VWA8: variants seen among roughly 807,000 people sequenced by gnomAD.
VWA8 encodes the protein von Willebrand factor A domain-containing protein 8.
Under a neutral mutation model 241.5 loss-of-function variants are expected in VWA8, and 221 were observed. The observed-to-expected ratio is 0.91, with a 90% confidence interval of 0.82 to 1.02. The LOEUF (loss-of-function observed/expected upper bound fraction) is 1.02, where lower values mean the gene tolerates loss of function less well. Ranked by LOEUF, VWA8 falls within the 50% of genes least tolerant of loss-of-function variation. The pLI is 0.00. For missense variants in VWA8, 2,322 were observed against 2,328.7 expected (o/e 1.00, Z 0.06); for synonymous variants, 852 against 827.1 (o/e 1.03, Z -0.52).
intron 37 of VWA8, among the ~76,000 whole-genome samples, chr13:41,626,519 T>C (rs982557549): frequency 6.6e-6 from 1 of 152,082 alleles, no homozygotes; most frequent in African/African-American, 2.4e-5. Flanking sequence ...CTCCAAACTA[T>C]AGTACAAGGT....
chr13:41,900,626 C>T (rs1337666144), intron 4 of VWA8, among the ~76,000 whole-genome samples: 2 of 152,026 alleles, frequency 1.3e-5, no homozygotes, highest in African/African-American at 4.8e-5. Context: ...TCCTCATTTA[C>T]AAAATTAGAA....
At chr13:41,572,360 AG>A (rs568148505) in intron 43 of VWA8, among the ~76,000 whole-genome samples, 1 of 152,240 alleles carries the variant, frequency 6.6e-6, no homozygotes, top group Non-Finnish European at 1.5e-5. Flanking sequence ...CGAATAGAAA[AG>A]GGGGAAATGT....
intron 12 of VWA8, among the ~76,000 whole-genome samples, chr13:41,852,206 C>T (rs1872555311): frequency 6.6e-6 from 1 of 152,062 alleles, no homozygotes; most frequent in Non-Finnish European, 1.5e-5. Context: ...TTATATGTAC[C>T]TGTTGGCCAT....
At chr13:41,604,899 G>A (rs1001004071) in intron 40 of VWA8, among the ~76,000 whole-genome samples, 1 of 152,110 alleles carries the variant, frequency 6.6e-6, no homozygotes, top group Non-Finnish European at 1.5e-5. Flanking sequence ...TTGTTCCTCA[G>A]CATTGAGAGC....
intron 14 of VWA8, among the ~76,000 whole-genome samples, chr13:41,827,844 C>T (rs1360713052): frequency 1.3e-5 from 2 of 152,292 alleles, no homozygotes; most frequent in East Asian, 3.9e-4. Flanking sequence ...AACTTGGGTA[C>T]TTTTCATAGA....
intron 16 of VWA8, among the ~76,000 whole-genome samples, chr13:41,811,661 T>G (rs1306346148): frequency 1.3e-5 from 2 of 152,150 alleles, no homozygotes; most frequent in African/African-American, 4.8e-5. Flanking sequence ...GCTGTATGAT[T>G]GACTGTTCAC....
intron 37 of VWA8, among the ~76,000 whole-genome samples, chr13:41,656,765 C>T (rs900867624): frequency 9.2e-5 from 14 of 152,100 alleles, no homozygotes; most frequent in Non-Finnish European, 2.9e-5. Flanking sequence ...TCTGAAGTCC[C>T]GGACTCCAAG....
chr13:41,617,987 A>G (rs1165050467), intron 37 of VWA8, among the ~76,000 whole-genome samples: 1 of 152,208 alleles, frequency 6.6e-6, no homozygotes, highest in East Asian at 1.9e-4. Flanking sequence ...CTTTGGGTAT[A>G]TACCCAGTAA....
intron 21 of VWA8, among the ~76,000 whole-genome samples, chr13:41,743,856 G>A (rs1307508446): frequency 6.6e-6 from 1 of 152,150 alleles, no homozygotes; most frequent in Non-Finnish European, 1.5e-5. Flanking sequence ...GGACATAAGA[G>A]GAACTCAATA....
At position 41,916,455 on chromosome 13, in the gene VWA8, A is replaced by G. The variant is rs139807439; in HGVS notation, c.242-4287T>C. On this transcript the variant is annotated intron_variant, in intron 2 of 44. Transcript: ENST00000379310. The stretch of plus-strand genomic sequence containing the variant: ...ATTTAGCAGACTTGCTGTTCCAGCC[A>G]TTAGTTCTACTTCTTTTTGGTGGTA... Among the ~76,000 whole-genome samples the G allele has an allele frequency of 3.7e-4, 56 of 152,364 alleles. 1 individual carries two copies. The East Asian group carries it at 8.3e-3, about 23-fold the overall frequency.
At chr13:41,777,270 G>A (rs996575543) in intron 20 of VWA8, among the ~76,000 whole-genome samples, 3 of 152,176 alleles carry the variant, frequency 2.0e-5, no homozygotes, top group Admixed American at 6.5e-5. Context: ...GAGATAAAAG[G>A]GAGTAGAAGC....
intron 35 of VWA8, among the ~76,000 whole-genome samples, chr13:41,677,981 T>A (rs1420272167): frequency 6.6e-6 from 1 of 152,218 alleles, no homozygotes; most frequent in Non-Finnish European, 1.5e-5. Flanking sequence ...TATCTCCTAT[T>A]TATTTAACAA....
chr13:41,799,819 T>C (rs1024700777), intron 17 of VWA8, among the ~76,000 whole-genome samples: 2 of 152,216 alleles, frequency 1.3e-5, no homozygotes, highest in Non-Finnish European at 2.9e-5. Flanking sequence ...ATTTAAAGTA[T>C]ACAATTCAAT....
At chr13:41,682,035 T>C (rs1351227745) in intron 35 of VWA8, among the ~76,000 whole-genome samples, 1 of 152,222 alleles carries the variant, frequency 6.6e-6, no homozygotes, top group African/African-American at 2.4e-5. Context: ...TTTTAAAATA[T>C]TACTTTCTGA....
At chr13:41,685,848 G>A (rs577011970) in intron 34 of VWA8, among the ~76,000 whole-genome samples, 201 of 152,090 alleles carry the variant, frequency 1.3e-3, no homozygotes, top group African/African-American at 4.6e-3. Flanking sequence ...TAACTCTTCT[G>A]GAATTTTGTG....
At chr13:41,864,152 A>AG (rs1361920519) in intron 12 of VWA8, among the ~76,000 whole-genome samples, 11 of 151,496 alleles carry the variant, frequency 7.3e-5, no homozygotes, top group Admixed American at 1.3e-4. Flanking sequence ...AAAAAAAAAA[A>AG]AAAAAAAGAA....
At chr13:41,769,596 T>C (rs1461486229) in intron 20 of VWA8, among the ~76,000 whole-genome samples, 2 of 152,320 alleles carry the variant, frequency 1.3e-5, no homozygotes, top group East Asian at 3.9e-4. Context: ...AGTTAGTTAT[T>C]ATATTATTGT....
intron 12 of VWA8, among the ~76,000 whole-genome samples, chr13:41,842,740 A>G (rs1363422337): frequency 6.6e-6 from 1 of 152,212 alleles, no homozygotes; most frequent in African/African-American, 2.4e-5. Flanking sequence ...ACAACCAAAT[A>G]CCCTCATTTT....
At chr13:41,927,298 A>G in intron 2 of VWA8, 1 of 519,910 alleles carries the variant, frequency 1.9e-6, no homozygotes, top group Non-Finnish European at 3.9e-6. Context: ...AGACAAGGAG[A>G]ATGTAGCAAC....
Sources: gnomAD v4.1 joint callset for allele counts (sites outside exome capture counted in the v4.1 genomes callset) on GRCh38, gnomAD v4.1.1 for gene constraint, MANE v1.5 for transcripts, NCBI Gene and HGNC (gene_info 2026-07-23, HGNC 2026-07-21) for gene names.